Variants in SRPRA observed in about 807,000 individuals in gnomAD.
SRPRA encodes the protein SRP receptor subunit alpha.
SRPRA carries 30 observed loss-of-function variants against 61.1 expected under a neutral mutation model. The ratio of observed to expected loss-of-function variants is 0.49; its 90% confidence interval spans 0.37 to 0.67. SRPRA has a LOEUF of 0.67. Ranked by LOEUF, SRPRA falls within the 30% of genes least tolerant of loss-of-function variation. The pLI is 0.00. For missense variants in SRPRA, 759 were observed against 828.4 expected (o/e 0.92, Z 1.03); for synonymous variants, 324 against 299.7 (o/e 1.08, Z -0.84).
chr11:126,263,817 C>T lies in SRPRA; in HGVS notation c.*99G>A. ...GCCCCCTCACTCTGCCTTTGTACTA[C>T]ACTGAAGACAGGTTGCTCACATACT... On this transcript the variant is annotated 3_prime_UTR_variant, in exon 14 of 14. Transcript: ENST00000332118. 1.3e-6 allele frequency: 2 copies of T among 1,530,656 alleles called. No individual in the cohort carries two copies. The highest frequency in any genetic ancestry group is 1.8e-6 in the Non-Finnish European group (2 of 1,132,720). 94.8% of individuals were successfully genotyped at this position (1,530,656 alleles called of 1,614,324 possible).
At chr11:126,240,668 C>T in the SRPRA span, 2 of 969,416 alleles carry the variant, frequency 2.1e-6, no homozygotes, top group East Asian at 4.9e-5. Context: ...GTGTCAAAAA[C>T]TGCTGTTCAT....
Position 126,264,475 on chromosome 11 carries a change from A to G in SRPRA, c.1590T>C (p.Pro530=). ...DTAGRMQDNA[P]LMTALAKLIT... ...TGAGTTTGGCCAGGGCAGTCATCAG[A>G]GGGGCATTGTCTTGCATGCGGCCTG... Residue 530 remains proline, a synonymous_variant, in exon 12 of 14, where the codon CCT becomes CCC. Transcript: ENST00000332118. This position sits in a 1 kb window ranked among gnomAD's most constrained non-coding sequence, Gnocchi z 5.0. 6.2e-7 allele frequency: 1 copy of G among 1,614,164 alleles called. No homozygotes were observed. The highest frequency in any genetic ancestry group is 8.5e-7 in the Non-Finnish European group (1 of 1,180,046).
chr11:126,236,468 T>C, the SRPRA span, among the ~76,000 whole-genome samples: 2 of 152,208 alleles, frequency 1.3e-5, no homozygotes, highest in African/African-American at 4.8e-5. Context: ...TTTTTTGTTT[T>C]GTTTTGTTTC....
chr11:126,262,904 C>G (rs1415678521), downstream of SRPRA: 1 of 152,562 alleles, frequency 6.6e-6, no homozygotes, highest in Non-Finnish European at 1.5e-5. Context: ...AGTTTTGAAT[C>G]CTGTATAAAA....
At chr11:126,247,866 A>AT in the SRPRA span, among the ~76,000 whole-genome samples, 2,763 of 144,912 alleles carry the variant, frequency 0.019, 45 homozygotes, top group African/African-American at 0.028. Flanking sequence ...TCAAAAAAAA[A>AT]ATATATATAT....
chr11:126,263,907 A>G lies in SRPRA; in HGVS notation c.*9T>C, dbSNP rs1950753827. On this transcript the variant is annotated 3_prime_UTR_variant, in exon 14 of 14. Transcript: ENST00000332118. ...GAAAGCGGCGATTTGGTATTGGGCA[A>G]GAGCCACGTTAAGCCTTCATGAGGG... is the stretch of plus-strand genomic sequence containing the variant. The G allele has an allele frequency of 6.2e-7, 1 of 1,613,588 alleles. No individual in the cohort carries two copies. The highest frequency in any genetic ancestry group is 8.5e-7 in the Non-Finnish European group (1 of 1,179,864).
At chr11:126,248,801 T>A in the SRPRA span, among the ~76,000 whole-genome samples, 5 of 152,176 alleles carry the variant, frequency 3.3e-5, no homozygotes, top group Admixed American at 3.3e-4. Context: ...CCAACACAGT[T>A]CCGTTGGGGT....
chr11:126,254,581 C>A, the SRPRA span: 1 of 1,114,542 alleles, frequency 9.0e-7, no homozygotes, highest in African/African-American at 1.6e-5. Context: ...GCCTATAATC[C>A]CAACACTTTG....
At chr11:126,242,115 C>T in the SRPRA span, among the ~76,000 whole-genome samples, 1 of 151,110 alleles carries the variant, frequency 6.6e-6, no homozygotes, top group Non-Finnish European at 1.5e-5. Flanking sequence ...GGATCAAAGA[C>T]CTAAATATGA....
At chr11:126,239,543 T>G in the SRPRA span, among the ~76,000 whole-genome samples, 2 of 152,226 alleles carry the variant, frequency 1.3e-5, no homozygotes, top group Non-Finnish European at 2.9e-5. Context: ...TCTAGTAGAC[T>G]GATCTTTCAA....
the SRPRA span, chr11:126,254,376 T>G: frequency 6.2e-7 from 1 of 1,614,196 alleles, no homozygotes; most frequent in Non-Finnish European, 8.5e-7. Context: ...CCAACCCTAG[T>G]GGCATTGTCC....
chr11:126,263,739 C>T lies in SRPRA; in HGVS notation c.*177G>A. On this transcript the variant is annotated 3_prime_UTR_variant, in exon 14 of 14. Transcript: ENST00000332118. ...AGTGATTGTAACATGATTAGGCCTT[C>T]CTTGCAGATGGCGGCTGTGCTGAAC... 1.1e-6 allele frequency: 1 copy of T among 888,702 alleles called. No homozygotes were observed. The highest frequency in any genetic ancestry group is 1.7e-6 in the Non-Finnish European group (1 of 583,596). The allele number at this position is 888,702 out of a possible 1,614,324, so 55.1% of individuals were successfully genotyped here.
the SRPRA span, chr11:126,240,668 C>A: frequency 2.1e-6 from 2 of 969,412 alleles, no homozygotes; most frequent in Non-Finnish European, 3.0e-6. Context: ...GTGTCAAAAA[C>A]TGCTGTTCAT....
In SRPRA at chr11:126,263,710, G is replaced by A; in HGVS notation, c.*206C>T. The stretch of plus-strand genomic sequence containing the variant: ...GGAGGCCCGCTGGGAGAGGGTCAGT[G>A]GGCAGTGATTGTAACATGATTAGGC... On this transcript the variant is annotated 3_prime_UTR_variant, in exon 14 of 14. Transcript: ENST00000332118. 3.0e-6 allele frequency: 2 copies of A among 675,004 alleles called. No homozygotes were observed. Among genetic ancestry groups the A allele is most frequent in the Non-Finnish European group, 4.9e-6 (2 of 406,280 alleles). 41.8% of individuals were successfully genotyped at this position (675,004 alleles called of 1,614,324 possible).
the SRPRA span, among the ~76,000 whole-genome samples, chr11:126,251,745 T>C: frequency 6.6e-6 from 1 of 151,998 alleles, no homozygotes; most frequent in Non-Finnish European, 1.5e-5. Flanking sequence ...TTTTTTTTTT[T>C]TTTGAGAGAC....
In SRPRA at chr11:126,265,890, G is replaced by A. The variant is rs11220432; in HGVS notation, c.1052-67C>T. 0.12 allele frequency: 187,359 copies of A among 1,611,264 alleles called. 11,307 individuals carry two copies. The highest frequency in any genetic ancestry group is 0.14 in the South Asian group (12,938 of 91,034). On this transcript the variant is annotated intron_variant, in intron 8 of 13. Transcript: ENST00000332118. The surrounding 1 kb of genome is among the most constrained non-coding windows in gnomAD (Gnocchi z 6.3). ...TGACCAATCTTTATGGTACAGGTGAGAAACGCTAGGTGATTCTGCTCTCAA... is the reference window on the plus strand; with the variant it reads ...TGACCAATCTTTATGGTACAGGTGAAAAACGCTAGGTGATTCTGCTCTCAA...
At chr11:126,252,211 T>A in the SRPRA span, among the ~76,000 whole-genome samples, 1 of 152,092 alleles carries the variant, frequency 6.6e-6, no homozygotes, top group African/African-American at 2.4e-5. This position sits in a 1 kb window ranked among gnomAD's most constrained non-coding sequence, Gnocchi z 4.7. Flanking sequence ...GGTCTCGAAC[T>A]CCTGACCTCA....
In SRPRA at chr11:126,268,001, A is replaced by G; in HGVS notation, c.201+2T>C. 6.2e-7 allele frequency: 1 copy of G among 1,614,022 alleles called. No homozygotes were observed. Among genetic ancestry groups the G allele is most frequent in the Non-Finnish European group, 8.5e-7 (1 of 1,179,936 alleles). On this transcript the variant is annotated splice_donor_variant, in intron 2 of 13. Coordinates refer to ENST00000332118, the MANE Select transcript of SRPRA (RefSeq NM_003139.4). LOFTEE classifies it high-confidence loss of function. ...ATCGTCCCTCTACAACACCCCACTT[A>G]CCACAAACACCAGCTCAAACTGGTT...
downstream of SRPRA, among the ~76,000 whole-genome samples, chr11:126,259,500 A>G (rs995692069): frequency 7.0e-6 from 1 of 143,478 alleles, no homozygotes; most frequent in African/African-American, 2.6e-5. Context: ...ATCTCGGCTC[A>G]CTGCAACCCC....
Sources: gnomAD v4.1 joint callset for allele counts (sites outside exome capture counted in the v4.1 genomes callset) on GRCh38, gnomAD v4.1.1 for gene constraint, Gnocchi (gnomAD v3.1) non-coding constraint, MANE v1.5 for transcripts, NCBI Gene and HGNC (gene_info 2026-07-23, HGNC 2026-07-21) for gene names.